The following DENND4B variants were observed in gnomAD, a reference collection of about 807,000 sequenced individuals.
The protein encoded by DENND4B is DENN domain containing 4B.
In DENND4B, 67 loss-of-function variants were observed where a neutral mutation model predicts 161.0. The ratio of observed to expected loss-of-function variants is 0.42; its 90% confidence interval spans 0.34 to 0.51. The LOEUF (loss-of-function observed/expected upper bound fraction) is 0.51. Ranked by LOEUF, DENND4B falls within the 20% of genes least tolerant of loss-of-function variation. DENND4B has a pLI of 0.08. For missense variants in DENND4B, 1,481 were observed against 1,968.0 expected (o/e 0.75, Z 4.68); for synonymous variants, 753 against 813.8 (o/e 0.93, Z 1.27).
At position 153,930,968 on chromosome 1, in the gene DENND4B, A is replaced by C; in HGVS notation, c.4093T>G (p.Tyr1365Asp). The C allele has an allele frequency of 6.2e-7, 1 of 1,612,650 alleles. No individual in the cohort carries two copies. Among genetic ancestry groups the C allele is most frequent in the Non-Finnish European group, 8.5e-7 (1 of 1,179,424 alleles). ...TCACTGTGGACCCTCCAGAGCACAT[A>C]GAGAGGTGGGCAGCTATTGGGGTCA... ...TPDPNSCPPL[Y>D]VLWRVHSQIP... The change falls in exon 25 of 28, where the codon TAT becomes GAT. Residue 1365 changes from tyrosine (Y) to aspartate (D), a missense_variant. Tyr to Asp is a radical substitution (Grantham distance 160). This residue lies in a region of DENND4B where 336 missense variants were observed against 503.3 expected (regional missense o/e 0.67). Transcript: ENST00000361217. This position sits in a 1 kb window ranked among gnomAD's most constrained non-coding sequence, Gnocchi z 4.7.
At position 153,933,505 on chromosome 1, in the gene DENND4B, C is replaced by A. The variant is rs202061696; in HGVS notation, c.3308G>T (p.Arg1103Leu). The change falls in exon 20 of 28, where the codon CGC becomes CTC. Residue 1103 changes from arginine to leucine, a missense_variant. Arg to Leu is a moderately radical substitution (Grantham distance 102, BLOSUM62 -2). This residue lies in a region of DENND4B where 339 missense variants were observed against 330.3 expected (regional missense o/e 1.03). Transcript: ENST00000361217. The surrounding 1 kb of genome is among the most constrained non-coding windows in gnomAD (Gnocchi z 5.7). Reference sequence around the variant, plus strand: ...TACCTCGGAGGCAGTGGATCCAGGGCGCTCCCGGGGGTGCAGAAGACTGTC... The same window carrying A: ...TACCTCGGAGGCAGTGGATCCAGGGAGCTCCCGGGGGTGCAGAAGACTGTC... ...PMDSLLHPRE[R>L]PGSTASESSA... 6.4e-7 allele frequency: 1 copy of A among 1,553,972 alleles called. No individual in the cohort carries two copies. Among genetic ancestry groups the A allele is most frequent in the Non-Finnish European group, 8.7e-7 (1 of 1,150,356 alleles).
At chr1:153,931,643 G>A (rs960095106) in intron 24 of DENND4B, among the ~76,000 whole-genome samples, 5 of 137,522 alleles carry the variant, frequency 3.6e-5, no homozygotes, top group African/African-American at 8.3e-5. Flanking sequence ...GACTACAGGC[G>A]CCCGCCACCA....
At chr1:153,943,712 A>C (rs1161867977) in intron 2 of DENND4B, among the ~76,000 whole-genome samples, 2 of 147,140 alleles carry the variant, frequency 1.4e-5, no homozygotes, top group Admixed American at 7.0e-5. Flanking sequence ...TAGTTATACA[A>C]GCTACCACTG....
rs184255940 is a variant in DENND4B, at chr1:153,939,503, C to T, written c.1819+86G>A. ...AAGGAATAAACAATGGAGTGGCTCC[C>T]AGTCCCCTCCGCCTTTCTGACAGAG... On this transcript the variant is annotated intron_variant, in intron 12 of 27. Coordinates refer to ENST00000361217, the MANE Select transcript of DENND4B (RefSeq NM_014856.3). The T allele has an allele frequency of 3.4e-5, 48 of 1,424,372 alleles. 1 individual carries two copies. The highest frequency in any genetic ancestry group is 1.3e-5 in the South Asian group (1 of 74,332). The allele number at this position is 1,424,372 out of a possible 1,614,324, so 88.2% of individuals were successfully genotyped here. A position where few individuals can be genotyped will look rare whatever the true frequency, so the allele number is the denominator to read the frequency against.
In DENND4B at chr1:153,940,870, C is replaced by A. The variant is rs1679623218; in HGVS notation, c.1326+34G>T. Reference sequence around the variant, plus strand: ...AGGGGCACCAGAAAGAACCATGGTTCTGGGGAAGATGGGCCAGGCGGGGCG... The same window carrying A: ...AGGGGCACCAGAAAGAACCATGGTTATGGGGAAGATGGGCCAGGCGGGGCG... On this transcript the variant is annotated intron_variant, in intron 9 of 27. Coordinates refer to ENST00000361217, the MANE Select transcript of DENND4B (RefSeq NM_014856.3). This position sits in a 1 kb window ranked among gnomAD's most constrained non-coding sequence, Gnocchi z 5.6. The A allele has an allele frequency of 4.5e-6, 7 of 1,540,032 alleles. No individual in the cohort carries two copies. Among genetic ancestry groups the A allele is most frequent in the Non-Finnish European group, 6.1e-6 (7 of 1,147,050 alleles).
chr1:153,934,655 C>G lies in DENND4B; in HGVS notation c.2773+105G>C. The G allele has an allele frequency of 6.7e-7, 1 of 1,493,180 alleles. No homozygotes were observed. The highest frequency in any genetic ancestry group is 8.9e-7 in the Non-Finnish European group (1 of 1,119,910). The allele number at this position is 1,493,180 out of a possible 1,614,324, so 92.5% of individuals were successfully genotyped here. On this transcript the variant is annotated intron_variant, in intron 18 of 27. Coordinates refer to ENST00000361217, the MANE Select transcript of DENND4B (RefSeq NM_014856.3). The surrounding 1 kb of genome is among the most constrained non-coding windows in gnomAD (Gnocchi z 5.3). ...CAGTCAAGTGTAATTTATCAATCCC[C>G]AGAAACCCAATGCCAACCATTAGAC...
rs1019798498 is a variant in DENND4B at position 153,944,617 on chromosome 1, A to G, written c.-23-220T>C. On this transcript the variant is annotated intron_variant, in intron 1 of 27. Coordinates refer to ENST00000361217, the MANE Select transcript of DENND4B (RefSeq NM_014856.3). This position sits in a 1 kb window ranked among gnomAD's most constrained non-coding sequence, Gnocchi z 4.8. ...CTTAATGGTCCTGGCACTCCCCTCA[A>G]AGAACCTAAACTCCACCACACACAG... Among the ~76,000 whole-genome samples, 1 of 152,162 alleles carries G rather than the reference A, an allele frequency of 6.6e-6. No homozygotes were observed.
rs376611781 is a variant in DENND4B, at chr1:153,932,414, C to G, written c.3786G>C (p.Gly1262=). 1.6e-5 allele frequency: 26 copies of G among 1,612,328 alleles called. No homozygotes were observed. The African/African-American group carries it at 3.3e-4, about 21-fold the overall frequency. ...CCAGGGGGCTCAGGTATGCCCATGC[C>G]CCACTCTCAACCCGCCGGGAGGCTC... is the stretch of plus-strand genomic sequence containing the variant. ...MGGASRRVES[G]AWAYLSPLVL... Residue 1262 remains glycine, a synonymous_variant, in exon 24 of 28, where the codon GGG becomes GGC. Transcript: ENST00000361217. The surrounding 1 kb of genome is among the most constrained non-coding windows in gnomAD (Gnocchi z 5.8).
At position 153,946,659 on chromosome 1, in the gene DENND4B, G is replaced by C; in HGVS notation, c.-382C>G. 1 of 381,454 alleles carries C rather than the reference G, an allele frequency of 2.6e-6. No individual in the cohort carries two copies. Among genetic ancestry groups the C allele is most frequent in the African/African-American group, 2.1e-5 (1 of 47,852 alleles). The allele number at this position is 381,454 out of a possible 1,614,324, so 23.6% of individuals were successfully genotyped here. On this transcript the variant is annotated 5_prime_UTR_variant, in exon 1 of 28. Coordinates refer to ENST00000361217, the MANE Select transcript of DENND4B (RefSeq NM_014856.3). The surrounding 1 kb of genome is among the most constrained non-coding windows in gnomAD (Gnocchi z 6.3). The stretch of plus-strand genomic sequence containing the variant: ...CCCCAACCCCCGCTCCGGGCCGCGG[G>C]CGCCGCCGCTACCCCCACCCCTCCT...
Position 153,941,548 on chromosome 1 carries a change from A to G in DENND4B, c.1056-108T>C, listed in dbSNP as rs1679672400. The G allele has an allele frequency of 4.4e-6, 6 of 1,352,230 alleles. No homozygotes were observed. In the South Asian group the frequency reaches 8.9e-5, roughly 20 times the overall value. The allele number at this position is 1,352,230 out of a possible 1,614,324, so 83.8% of individuals were successfully genotyped here. The stretch of plus-strand genomic sequence containing the variant: ...TTCTCAAGAACCTTATTCCTTCCTG[A>G]ACCCCACTTTGAGACCTGTTATCAG... On this transcript the variant is annotated intron_variant, in intron 6 of 27. Transcript: ENST00000361217.
At chr1:153,941,794 C>G in intron 6 of DENND4B, 75 bp downstream of exon 6, 1 of 1,116,188 alleles carries the variant, frequency 9.0e-7, no homozygotes, top group East Asian at 3.2e-5. Flanking sequence ...CCACCCACAT[C>G]TGAATCTCTC....
rs1298949995 is a variant in DENND4B, at chr1:153,940,577, G to C, written c.1356C>G (p.Pro452=). The change falls in exon 10 of 28, where the codon CCC becomes CCG. Residue 452 remains proline (P), a synonymous_variant. Coordinates refer to ENST00000361217, the MANE Select transcript of DENND4B (RefSeq NM_014856.3). This position sits in a 1 kb window ranked among gnomAD's most constrained non-coding sequence, Gnocchi z 5.6. ...SMIFPLHWQC[P]YIPLCPLVLA... is the part of the protein sequence containing the mutation. ...GCACCAGCGGGCACAGAGGAATGTA[G>C]GGGCACTGCCAGTGCAGTGGGAAGA... is the stretch of plus-strand genomic sequence containing the variant. The C allele has an allele frequency of 6.2e-7, 1 of 1,613,358 alleles. No homozygotes were observed. Among genetic ancestry groups the C allele is most frequent in the Non-Finnish European group, 8.5e-7 (1 of 1,179,644 alleles).
chr1:153,939,280 G>GC (rs1312254829), intron 12 of DENND4B, among the ~76,000 whole-genome samples: 1 of 151,794 alleles, frequency 6.6e-6, no homozygotes, highest in African/African-American at 2.4e-5. Flanking sequence ...AGACTGGGGG[G>GC]GGTCTCCAAG....
chr1:153,941,627 C>T (rs917607532), intron 6 of DENND4B, among the ~76,000 whole-genome samples, 187 bp from the exon 7 acceptor site: 1 of 152,164 alleles, frequency 6.6e-6, no homozygotes, highest in African/African-American at 2.4e-5. Context: ...AAGAAATCCT[C>T]CCTGGGCATA....
In DENND4B at chr1:153,941,367, C is replaced by T; in HGVS notation, c.1122+7G>A. 1 of 1,613,618 alleles carries T rather than the reference C, an allele frequency of 6.2e-7. No homozygotes were observed. Among genetic ancestry groups the T allele is most frequent in the African/African-American group, 1.3e-5 (1 of 75,020 alleles). On this transcript the variant is annotated splice_region_variant and intron_variant, in intron 7 of 27. Transcript: ENST00000361217. ...TCCATCAGCCCGGCCCCAGCCTCAG[C>T]TCTCACCTGCACTAGGATGCGGGGT...
intron 12 of DENND4B, among the ~76,000 whole-genome samples, 173 bp downstream of exon 12, chr1:153,939,413 TCCC>T (rs1467376294): frequency 6.6e-6 from 1 of 151,304 alleles, no homozygotes; most frequent in East Asian, 2.0e-4. Context: ...GTACCCTGAT[TCCC>T]CCCCAAGACC....
rs1679951443 is a variant in DENND4B at position 153,946,103 on chromosome 1, G to A, written c.-24+198C>T. Among the ~76,000 whole-genome samples the A allele has an allele frequency of 6.6e-6, 1 of 152,206 alleles. No homozygotes were observed. Among genetic ancestry groups the A allele is most frequent in the Non-Finnish European group, 1.5e-5 (1 of 68,020 alleles). On this transcript the variant is annotated intron_variant, in intron 1 of 27. Transcript: ENST00000361217. This position sits in a 1 kb window ranked among gnomAD's most constrained non-coding sequence, Gnocchi z 6.3. ...CTCCGGCACCCACGGGAGCAGAAGGGGGTGCAGGAGGCCGGGCACGGCGAG... is the reference window on the plus strand; with the variant it reads ...CTCCGGCACCCACGGGAGCAGAAGGAGGTGCAGGAGGCCGGGCACGGCGAG...
Position 153,933,511 on chromosome 1 carries a change from C to T in DENND4B, c.3302G>A (p.Arg1101Gln), listed in dbSNP as rs781435616. Residue 1101 changes from arginine to glutamine, a missense_variant, in exon 20 of 28, where the codon CGG (arginine) becomes CAG (glutamine). Physicochemically the swap from Arg to Gln is conservative, Grantham distance 43. Transcript: ENST00000361217. This position sits in a 1 kb window ranked among gnomAD's most constrained non-coding sequence, Gnocchi z 5.7. ...RSPMDSLLHPRERPGSTASES... is the reference protein window; with the variant it reads ...RSPMDSLLHPQERPGSTASES... Reference sequence around the variant, plus strand: ...GGAGGCAGTGGATCCAGGGCGCTCCCGGGGGTGCAGAAGACTGTCCATGGG... The same window carrying T: ...GGAGGCAGTGGATCCAGGGCGCTCCTGGGGGTGCAGAAGACTGTCCATGGG... 7.7e-6 allele frequency: 12 copies of T among 1,552,208 alleles called. No individual in the cohort carries two copies. The highest frequency in any genetic ancestry group is 4.9e-5 in the South Asian group (4 of 80,922).
Position 153,936,497 on chromosome 1 carries a change from G to C in DENND4B, c.2439+45C>G, listed in dbSNP as rs374317044. ...CTCACAGCCCTCTCCAGCTGCACAA[G>C]GCTCACTGGGCCTGGGTATGAGCAT... On this transcript the variant is annotated intron_variant, in intron 16 of 27. Transcript: ENST00000361217. The surrounding 1 kb of genome is among the most constrained non-coding windows in gnomAD (Gnocchi z 4.1). 9.2e-5 allele frequency: 139 copies of C among 1,503,334 alleles called. No homozygotes were observed. Among genetic ancestry groups the C allele is most frequent in the Non-Finnish European group, 1.2e-4 (135 of 1,117,464 alleles). The allele number at this position is 1,503,334 out of a possible 1,614,324, so 93.1% of individuals were successfully genotyped here.
Sources: gnomAD v4.1 joint callset for allele counts (sites outside exome capture counted in the v4.1 genomes callset) on GRCh38, gnomAD v4.1.1 for gene constraint, gnomAD v4.1.1 regional missense constraint, Gnocchi (gnomAD v3.1) non-coding constraint, MANE v1.5 for transcripts, NCBI Gene and HGNC (gene_info 2026-07-23, HGNC 2026-07-21) for gene names.